Variants in ELAVL4 observed in about 807,000 individuals in gnomAD.
ELAVL4 encodes the protein ELAV-like protein 4.
ELAVL4 carries 1 observed loss-of-function variant against 35.6 expected under a neutral mutation model. The observed-to-expected ratio is 0.03, with a 90% CI of 0.01 to 0.13. ELAVL4 has a LOEUF of 0.13. ELAVL4 is among the 10% of genes least tolerant of loss of function. The pLI, the probability that ELAVL4 is intolerant of heterozygous loss-of-function variation, is 1.00. For missense variants in ELAVL4, 267 were observed against 464.9 expected (o/e 0.57, Z 3.91); for synonymous variants, 156 against 171.0 (o/e 0.91, Z 0.69).
At chr1:50,104,085 AACAAGAC>A, upstream of ELAVL4, 11 of 1,487,980 alleles carry the variant, frequency 7.4e-6, no homozygotes, top group Non-Finnish European at 9.4e-6. Context: ...GCCTTAGGGT[AACAAGAC>A]TATGGGTCCT....
chr1:50,186,776 C>T (rs1436390755), intron 3 of ELAVL4, among the ~76,000 whole-genome samples: 1 of 152,120 alleles, frequency 6.6e-6, no homozygotes, highest in African/African-American at 2.4e-5. Context: ...GGGGTTTAGA[C>T]TCCCATCACA....
chr1:50,183,699 C>T (rs1681403533), intron 3 of ELAVL4, among the ~76,000 whole-genome samples: 1 of 152,176 alleles, frequency 6.6e-6, no homozygotes, highest in Non-Finnish European at 1.5e-5. Flanking sequence ...CGTCAGGGAG[C>T]TGCGCCTCCC....
intron 3 of ELAVL4, 126 bp from the exon 4 acceptor site, chr1:50,193,639 G>A (rs1683009798): frequency 1.7e-6 from 2 of 1,196,002 alleles, no homozygotes; most frequent in East Asian, 2.5e-5. Flanking sequence ...CTGAACTACT[G>A]AGTGATTTAA....
At chr1:50,061,137 C>A (rs539368127) in intron 1 of ELAVL4, among the ~76,000 whole-genome samples, 1 of 152,186 alleles carries the variant, frequency 6.6e-6, no homozygotes, top group Non-Finnish European at 1.5e-5. Context: ...TGATGCTCTG[C>A]GCTTAACTGT....
At chr1:50,068,004 G>A (rs542188576) in intron 1 of ELAVL4, among the ~76,000 whole-genome samples, 3 of 152,268 alleles carry the variant, frequency 2.0e-5, no homozygotes, top group South Asian at 2.1e-4. Flanking sequence ...CCCACAACAC[G>A]TGGGGATTAT....
At chr1:50,052,115 C>A (rs955893817) in intron 1 of ELAVL4, among the ~76,000 whole-genome samples, 6 of 152,160 alleles carry the variant, frequency 3.9e-5, no homozygotes, top group Non-Finnish European at 5.9e-5. Context: ...GTTAGCACTT[C>A]AACATATGAA....
At chr1:50,065,827 G>A (rs886374568) in intron 1 of ELAVL4, among the ~76,000 whole-genome samples, 1 of 152,146 alleles carries the variant, frequency 6.6e-6, no homozygotes, top group Non-Finnish European at 1.5e-5. Context: ...ATGTGTCGGG[G>A]TTGAGGGCTA....
intron 2 of ELAVL4, among the ~76,000 whole-genome samples, chr1:50,159,239 G>A (rs1331247017): frequency 6.6e-6 from 1 of 152,074 alleles, no homozygotes; most frequent in Non-Finnish European, 1.5e-5. Context: ...TTCCAAAGGC[G>A]CTTAATTGAT....
intron 1 of ELAVL4, among the ~76,000 whole-genome samples, chr1:50,085,372 C>T (rs554493587): frequency 5.3e-5 from 8 of 152,310 alleles, no homozygotes; most frequent in South Asian, 2.1e-4. Context: ...AGTGCCATGG[C>T]GTACACCTAT....
chr1:50,165,869 A>G lies in ELAVL4; in HGVS notation c.251-11220A>G, dbSNP rs199503804. On this transcript the variant is annotated intron_variant, in intron 2 of 6. Coordinates refer to ENST00000371824, the MANE Select transcript of ELAVL4 (RefSeq NM_001144774.3). ...AAAGGGGAGTTTATTAAGTATTAAC[A>G]TACACAATCACAAGGTCCCGCAATC... Among the ~76,000 whole-genome samples, 9 of 151,714 alleles carry G rather than the reference A, an allele frequency of 5.9e-5. No individual in the cohort carries two copies. The East Asian group carries it at 9.7e-4, about 16-fold the overall frequency.
chr1:50,114,009 A>T (rs928336415), intron 1 of ELAVL4, among the ~76,000 whole-genome samples: 1 of 152,142 alleles, frequency 6.6e-6, no homozygotes, highest in Non-Finnish European at 1.5e-5. Context: ...CATGACTCCA[A>T]GAGTTCTCAT....
chr1:50,116,428 G>A (rs558519061), intron 1 of ELAVL4, among the ~76,000 whole-genome samples: 6 of 151,926 alleles, frequency 3.9e-5, no homozygotes, highest in East Asian at 1.9e-4. Flanking sequence ...GTGTGTGTGT[G>A]TGTGTGTGTG....
At chr1:50,195,872 G>A in intron 5 of ELAVL4, 86 bp downstream of exon 5, 1 of 1,491,368 alleles carries the variant, frequency 6.7e-7, no homozygotes, top group East Asian at 2.3e-5. Context: ...CTGACAAATG[G>A]GGCAAGGGTA....
chr1:50,060,468 C>A (rs1663901916), intron 1 of ELAVL4, among the ~76,000 whole-genome samples: 1 of 152,186 alleles, frequency 6.6e-6, no homozygotes, highest in South Asian at 2.1e-4. Context: ...TCATGCTTTG[C>A]AGCTAAGTCA....
intron 2 of ELAVL4, among the ~76,000 whole-genome samples, chr1:50,165,610 G>A (rs531249312): frequency 5.5e-4 from 80 of 146,246 alleles, no homozygotes; most frequent in Non-Finnish European, 6.4e-4. Flanking sequence ...GTATGTATAC[G>A]TATACATATA....
intron 5 of ELAVL4, among the ~76,000 whole-genome samples, chr1:50,197,167 TGGGG>T (rs1160065303): frequency 0.021 from 3,174 of 151,950 alleles, 110 homozygotes; most frequent in African/African-American, 0.071. Context: ...TTCTGAGAGG[TGGGG>T]GGAATGGTAT....
At chr1:50,103,964 C>T (rs773507777), upstream of ELAVL4, 1 of 1,613,922 alleles carries the variant, frequency 6.2e-7, no homozygotes, top group Non-Finnish European at 8.5e-7. Context: ...CTGCCCTAAT[C>T]GACTGAAAAT....
intron 1 of ELAVL4, among the ~76,000 whole-genome samples, chr1:50,120,686 A>G (rs1387789957): frequency 6.6e-6 from 1 of 152,064 alleles, no homozygotes; most frequent in Non-Finnish European, 1.5e-5. Flanking sequence ...TCTGGTCATA[A>G]TGTGATGTTA....
chr1:50,128,965 A>T (rs1275072874), intron 1 of ELAVL4, among the ~76,000 whole-genome samples: 1 of 151,996 alleles, frequency 6.6e-6, no homozygotes, highest in Non-Finnish European at 1.5e-5. Flanking sequence ...TCACCTGTAA[A>T]CTGCAAGTGA....
Sources: gnomAD v4.1 joint callset for allele counts (sites outside exome capture counted in the v4.1 genomes callset) on GRCh38, gnomAD v4.1.1 for gene constraint, MANE v1.5 for transcripts, NCBI Gene and HGNC (gene_info 2026-07-23, HGNC 2026-07-21) for gene names.